ABHD6: variants seen among roughly 807,000 people sequenced by gnomAD.
ABHD6 encodes the protein monoacylglycerol lipase ABHD6.
In ABHD6, 33 loss-of-function variants were observed where a neutral mutation model predicts 38.8. The ratio of observed to expected loss-of-function variants is 0.85; its 90% CI spans 0.64 to 1.14. The LOEUF is 1.14. ABHD6 is among the 50% of genes most tolerant of loss of function. The pLI, the probability that ABHD6 is intolerant of heterozygous loss-of-function variation, is 0.00. For synonymous variants in ABHD6, 147 were observed against 161.6 expected (o/e 0.91, Z 0.69); for missense variants, 380 against 422.6 (o/e 0.90, Z 0.88).
intron 9 of ABHD6, among the ~76,000 whole-genome samples, chr3:58,289,692 C>A (rs912403763): frequency 6.6e-6 from 1 of 152,214 alleles, no homozygotes; most frequent in South Asian, 2.1e-4. Context: ...ACCTTTCCCC[C>A]CTTTCTATTC....
intron 7 of ABHD6, among the ~76,000 whole-genome samples, chr3:58,280,993 G>A (rs1466262084): frequency 3.9e-5 from 6 of 152,140 alleles, no homozygotes; most frequent in African/African-American, 7.2e-5. Flanking sequence ...GCACCCGGCC[G>A]TATGAGGTGT....
Position 58,263,406 on chromosome 3 carries a change from G to GA in ABHD6, c.120-3777dup, listed in dbSNP as rs1237275033. On this transcript the variant is annotated intron_variant, in intron 3 of 9. Transcript: ENST00000478253. The surrounding 1 kb of genome is among the most constrained non-coding windows in gnomAD (Gnocchi z 4.9). ...ACTCCATCTCAAAAAAAAAAAAAAA[G>GA]AAAAAATATTAGTTTTCCAGTTTCT... Among the ~76,000 whole-genome samples the GA allele has an allele frequency of 4.7e-5, 7 of 149,746 alleles. No homozygotes were observed. The East Asian group carries it at 1.4e-3, about 29-fold the overall frequency.
intron 9 of ABHD6, among the ~76,000 whole-genome samples, chr3:58,289,998 C>A (rs1304046614): frequency 7.2e-6 from 1 of 138,434 alleles, no homozygotes; most frequent in Non-Finnish European, 1.6e-5. Context: ...GGGGCTGACC[C>A]CCCCACCTCC....
intron 6 of ABHD6, among the ~76,000 whole-genome samples, chr3:58,274,008 G>C (rs186455581): frequency 6.6e-6 from 1 of 152,150 alleles, no homozygotes; most frequent in Non-Finnish European, 1.5e-5. Flanking sequence ...GTGGACTCTC[G>C]TGTCGTGCCC....
At chr3:58,270,889 C>T in intron 5 of ABHD6, 43 bp from the exon 6 acceptor site, 1 of 1,566,304 alleles carries the variant, frequency 6.4e-7, no homozygotes, top group Non-Finnish European at 8.6e-7. Context: ...TTGCCATTGT[C>T]TACAGCTGTA....
intron 3 of ABHD6, among the ~76,000 whole-genome samples, chr3:58,261,463 T>G (rs2097436902): frequency 6.6e-6 from 1 of 152,094 alleles, no homozygotes; most frequent in Non-Finnish European, 1.5e-5. Context: ...AACCTCTACC[T>G]CCCAGGCTCA....
rs1387503400 is a variant in ABHD6, at chr3:58,287,714, G to A, written c.837+2261G>A. On this transcript the variant is annotated intron_variant, in intron 9 of 9. Transcript: ENST00000478253. This position sits in a 1 kb window ranked among gnomAD's most constrained non-coding sequence, Gnocchi z 4.7. ...GGGCTCTCAGGAGCCAACAGGGAGA[G>A]GCTGTAACCCATCTTCCTGTGGAGA... Among the ~76,000 whole-genome samples, 1 of 152,194 alleles carries A rather than the reference G, an allele frequency of 6.6e-6. No homozygotes were observed. The highest frequency in any genetic ancestry group is 1.5e-5 in the Non-Finnish European group (1 of 68,032).
Position 58,267,720 on chromosome 3 carries a change from A to T in ABHD6, c.276+375A>T, listed in dbSNP as rs1338542742. Among the ~76,000 whole-genome samples, 1 of 152,138 alleles carries T rather than the reference A, an allele frequency of 6.6e-6. No individual in the cohort carries two copies. Among genetic ancestry groups the T allele is most frequent in the Non-Finnish European group, 1.5e-5 (1 of 68,022 alleles). ...AGAAAAGGGTTTCCACTAGGACATG[A>T]TGTCATCAACAATGGTAGAAAGCAA... On this transcript the variant is annotated intron_variant, in intron 4 of 9. Transcript: ENST00000478253. The surrounding 1 kb of genome is among the most constrained non-coding windows in gnomAD (Gnocchi z 4.3).
At position 58,294,544 on chromosome 3, in the gene ABHD6, C is replaced by T. The variant is rs886788237; in HGVS notation, c.*779C>T. On this transcript the variant is annotated 3_prime_UTR_variant, in exon 10 of 10. Coordinates refer to ENST00000478253, the MANE Select transcript of ABHD6 (RefSeq NM_001320126.2). ...TGTCTAAGTAATCAGACTCAGGTTC[C>T]ACACACAAGCAACAACTCGTGGGCC... The T allele has an allele frequency of 6.6e-6, 1 of 152,600 alleles. No individual in the cohort carries two copies. Among genetic ancestry groups the T allele is most frequent in the African/African-American group, 2.4e-5 (1 of 41,430 alleles). The allele number at this position is 152,600 out of a possible 1,614,324, so 9.5% of individuals were successfully genotyped here.
chr3:58,293,643 G>A lies in ABHD6; in HGVS notation c.892G>A (p.Val298Met), dbSNP rs758285449. 2.5e-6 allele frequency: 4 copies of A among 1,614,218 alleles called. No homozygotes were observed. The highest frequency in any genetic ancestry group is 3.4e-6 in the Non-Finnish European group (4 of 1,180,042). ...GGCCAAGTCAATTGCCAACTGCCAG[G>A]TGGAGCTTCTGGAAAACTGTGGGCA... Reference protein sequence around the residue: ...MLAKSIANCQVELLENCGHSV... With the variant: ...MLAKSIANCQMELLENCGHSV... Residue 298 changes from valine (V) to methionine (M), a missense_variant, in exon 10 of 10, where the codon GTG (valine) becomes ATG (methionine). Transcript: ENST00000478253. The surrounding 1 kb of genome is among the most constrained non-coding windows in gnomAD (Gnocchi z 4.4).
intron 7 of ABHD6, among the ~76,000 whole-genome samples, chr3:58,277,791 C>T (rs534032569): frequency 2.7e-3 from 413 of 152,150 alleles, no homozygotes; most frequent in Non-Finnish European, 4.9e-3. Context: ...TCCATGAATA[C>T]CTAGTTTATT....
intron 2 of ABHD6, among the ~76,000 whole-genome samples, chr3:58,255,462 C>CTTTT (rs373989173): frequency 1.5e-5 from 2 of 129,778 alleles, no homozygotes; most frequent in East Asian, 2.2e-4. Context: ...AAAAGTCTGT[C>CTTTT]TTTTTTTTTT....
chr3:58,265,389 C>T lies in ABHD6; in HGVS notation c.120-1800C>T, dbSNP rs934217594. Among the ~76,000 whole-genome samples, 1 of 152,092 alleles carries T rather than the reference C, an allele frequency of 6.6e-6. No homozygotes were observed. The highest frequency in any genetic ancestry group is 2.4e-5 in the African/African-American group (1 of 41,418). On this transcript the variant is annotated intron_variant, in intron 3 of 9. Transcript: ENST00000478253. This position sits in a 1 kb window ranked among gnomAD's most constrained non-coding sequence, Gnocchi z 4.2. ...CTTTTTATTTATTAAGGATATCATT[C>T]TGCAGCTGTCATATTCATTGCAAAT...
chr3:58,276,898 A>G (rs535471320), intron 7 of ABHD6, among the ~76,000 whole-genome samples: 1 of 152,290 alleles, frequency 6.6e-6, no homozygotes, highest in African/African-American at 2.4e-5. Context: ...TGTTTTTGTC[A>G]GGTTTGTCAA....
At chr3:58,288,709 C>G (rs962685639) in intron 9 of ABHD6, among the ~76,000 whole-genome samples, 10 of 152,142 alleles carry the variant, frequency 6.6e-5, no homozygotes, top group African/African-American at 2.4e-4. Context: ...ACAGTAGGGA[C>G]CAAGACAGCC....
chr3:58,249,245 G>C (rs1178357263), intron 1 of ABHD6, among the ~76,000 whole-genome samples: 1 of 152,160 alleles, frequency 6.6e-6, no homozygotes, highest in African/African-American at 2.4e-5. Context: ...TTCCTATGGA[G>C]ATACTTTTAA....
rs562779515 is a variant in ABHD6, at chr3:58,279,623, T to A, written c.681+4808T>A. ...TTAATATTGTTATGTGTGAATTTGA[T>A]CCTGTCATTATGATGTTAGCTGGTT... On this transcript the variant is annotated intron_variant, in intron 7 of 9. Coordinates refer to ENST00000478253, the MANE Select transcript of ABHD6 (RefSeq NM_001320126.2). 9.2e-5 allele frequency among the ~76,000 whole-genome samples: 14 copies of A among 152,336 alleles called. No homozygotes were observed. In the East Asian group the frequency reaches 1.3e-3, roughly 15 times the overall value.
chr3:58,241,880 C>A (rs2097423066), intron 1 of ABHD6, among the ~76,000 whole-genome samples: 1 of 152,198 alleles, frequency 6.6e-6, no homozygotes, highest in African/African-American at 2.4e-5. Context: ...TTCATCCCCA[C>A]ACTGAGGTAG....
At position 58,267,479 on chromosome 3, in the gene ABHD6, A is replaced by G; in HGVS notation, c.276+134A>G. The stretch of plus-strand genomic sequence containing the variant: ...CAGGAGTTCAAAACCAGCCTGGACA[A>G]CATAAAGAAACCCTGTCTCTACAAA... On this transcript the variant is annotated intron_variant, in intron 4 of 9. Transcript: ENST00000478253. The surrounding 1 kb of genome is among the most constrained non-coding windows in gnomAD (Gnocchi z 4.3). 8.9e-7 allele frequency: 1 copy of G among 1,126,126 alleles called. No homozygotes were observed. The highest frequency in any genetic ancestry group is 1.3e-6 in the Non-Finnish European group (1 of 788,094). 69.8% of individuals were successfully genotyped at this position (1,126,126 alleles called of 1,614,324 possible).
Sources: allele counts gnomAD v4.1 joint callset (sites outside exome capture counted in the v4.1 genomes callset), GRCh38; gene constraint gnomAD v4.1.1; non-coding constraint Gnocchi (gnomAD v3.1); transcripts MANE v1.5; gene names NCBI Gene and HGNC (gene_info 2026-07-23, HGNC 2026-07-21).